The following ROBO2 variants were observed in gnomAD, a reference collection of about 807,000 sequenced individuals.
The protein encoded by ROBO2 is roundabout guidance receptor 2, also known as roundabout homolog 2.
Under a neutral mutation model 160.8 loss-of-function variants are expected in ROBO2, and 53 were observed. The observed-to-expected ratio is 0.33, with a 90% CI of 0.26 to 0.41. ROBO2 has a LOEUF of 0.41. Ranked by LOEUF, ROBO2 falls within the 10% of genes least tolerant of loss-of-function variation. The pLI, the probability that ROBO2 is intolerant of heterozygous loss-of-function variation, is 1.00. For synonymous variants in ROBO2, 664 were observed against 611.7 expected (o/e 1.09, Z -1.26); for missense variants, 1,577 against 1,722.4 (o/e 0.92, Z 1.49).
At chr3:76,883,296 A>G (rs1437385183) in intron 2 of ROBO2, among the ~76,000 whole-genome samples, 1 of 152,192 alleles carries the variant, frequency 6.6e-6, no homozygotes, top group African/African-American at 2.4e-5. Context: ...AGACTTCTAC[A>G]TCATCAGCAT....
chr3:77,537,330 C>T (rs1420599193), intron 6 of ROBO2, among the ~76,000 whole-genome samples: 1 of 152,036 alleles, frequency 6.6e-6, no homozygotes, highest in Admixed American at 6.6e-5. Context: ...ATTAATCTCA[C>T]CATCAACAAA....
chr3:76,689,776 T>C (rs1170695569), intron 2 of ROBO2, among the ~76,000 whole-genome samples: 1 of 152,156 alleles, frequency 6.6e-6, no homozygotes, highest in Non-Finnish European at 1.5e-5. Context: ...TTCTAGCAGG[T>C]ATTAAAATTC....
At chr3:76,493,037 C>T (rs2079921063) in intron 2 of ROBO2, among the ~76,000 whole-genome samples, 1 of 151,700 alleles carries the variant, frequency 6.6e-6, no homozygotes, top group African/African-American at 2.4e-5. Context: ...AAGAGACATC[C>T]GTATTTAAAA....
At chr3:76,182,781 G>A (rs1701572285) in intron 2 of ROBO2, among the ~76,000 whole-genome samples, 1 of 152,228 alleles carries the variant, frequency 6.6e-6, no homozygotes, top group African/African-American at 2.4e-5. Flanking sequence ...GGAGATTGGG[G>A]ATATCTCCCA....
intron 2 of ROBO2, among the ~76,000 whole-genome samples, chr3:76,905,247 C>G (rs1398810550): frequency 1.3e-5 from 2 of 152,084 alleles, no homozygotes; most frequent in Non-Finnish European, 2.9e-5. Context: ...GTTCCTCTAC[C>G]ACATGTCCTA....
chr3:76,647,367 C>A (rs1479048865), intron 2 of ROBO2, among the ~76,000 whole-genome samples: 1 of 152,120 alleles, frequency 6.6e-6, no homozygotes, highest in Non-Finnish European at 1.5e-5. Context: ...ACTAGTGCCC[C>A]CTATCGGCAG....
intron 23 of ROBO2, chr3:77,633,655 C>A (rs1234720365): frequency 1.3e-5 from 2 of 151,992 alleles, no homozygotes; most frequent in Non-Finnish European, 2.9e-5. Context: ...GGAATTATAC[C>A]ATCAATATTT....
intron 2 of ROBO2, among the ~76,000 whole-genome samples, chr3:76,364,346 T>C (rs945065205): frequency 6.6e-6 from 1 of 152,122 alleles, no homozygotes; most frequent in Non-Finnish European, 1.5e-5. Flanking sequence ...ATCTGAAATA[T>C]TCTTTATTCT....
chr3:76,455,815 A>C (rs1247360831), intron 2 of ROBO2, among the ~76,000 whole-genome samples: 1 of 152,190 alleles, frequency 6.6e-6, no homozygotes, highest in Non-Finnish European at 1.5e-5. Context: ...TCATCAATTC[A>C]TTAAGCAAAT....
chr3:77,340,360 C>A (rs1332905537), intron 2 of ROBO2, among the ~76,000 whole-genome samples: 1 of 152,002 alleles, frequency 6.6e-6, no homozygotes, highest in Non-Finnish European at 1.5e-5. Context: ...TCTTTCATGT[C>A]TCCTAACATG....
intron 2 of ROBO2, among the ~76,000 whole-genome samples, chr3:75,940,686 A>G (rs1473292045): frequency 6.6e-6 from 1 of 152,210 alleles, no homozygotes; most frequent in Non-Finnish European, 1.5e-5. Context: ...ATAAATATCT[A>G]GCTGTATTTT....
At chr3:75,938,179 C>T (rs1038941062) in intron 2 of ROBO2, among the ~76,000 whole-genome samples, 1 of 151,666 alleles carries the variant, frequency 6.6e-6, no homozygotes, top group African/African-American at 2.4e-5. Flanking sequence ...AAGGTTGTGG[C>T]ATCCTGAAAT....
intron 2 of ROBO2, among the ~76,000 whole-genome samples, chr3:77,476,650 A>C (rs2084043823): frequency 6.6e-6 from 1 of 152,120 alleles, no homozygotes; most frequent in Non-Finnish European, 1.5e-5. Flanking sequence ...GGAGCAGAGA[A>C]GCACAAGTAG....
chr3:77,636,365 G>A (rs1157304674), intron 24 of ROBO2, among the ~76,000 whole-genome samples: 2 of 151,940 alleles, frequency 1.3e-5, no homozygotes, highest in African/African-American at 2.4e-5. Flanking sequence ...AGGCTGAGGC[G>A]GGCAGATCAC....
rs571899360 is a variant in ROBO2, at chr3:76,817,095, T to C, written c.110-280919T>C. On this transcript the variant is annotated intron_variant, in intron 2 of 26. Coordinates refer to the ROBO2 transcript ENST00000487694. The stretch of plus-strand genomic sequence containing the variant: ...GGGGGCATTGGGGACAAGGGAGGGA[T>C]AGCACTAGGAGAAATACCTAATGTA... Among the ~76,000 whole-genome samples, 3 of 152,028 alleles carry C rather than the reference T, an allele frequency of 2.0e-5. No homozygotes were observed. The South Asian group carries it at 6.2e-4, about 32-fold the overall frequency.
intron 2 of ROBO2, among the ~76,000 whole-genome samples, chr3:77,014,588 C>A (rs985947210): frequency 6.6e-6 from 1 of 152,188 alleles, no homozygotes; most frequent in Non-Finnish European, 1.5e-5. Flanking sequence ...CAGTCTCCTG[C>A]AGCTCTATTT....
intron 1 of ROBO2, among the ~76,000 whole-genome samples, chr3:77,078,223 C>G (rs556129702): frequency 4.6e-4 from 70 of 152,292 alleles, no homozygotes; most frequent in African/African-American, 1.6e-3. Context: ...AGCTACTGAG[C>G]CGTTTATAAA....
chr3:77,488,393 C>A (rs1385368228), intron 4 of ROBO2, among the ~76,000 whole-genome samples: 1 of 152,168 alleles, frequency 6.6e-6, no homozygotes, highest in East Asian at 1.9e-4. Context: ...AGTCAGCAAA[C>A]GACCCTTGAG....
chr3:77,017,439 G>A (rs990403613), intron 2 of ROBO2, among the ~76,000 whole-genome samples: 4 of 152,146 alleles, frequency 2.6e-5, no homozygotes, highest in Non-Finnish European at 5.9e-5. Context: ...GAAATTAAAT[G>A]TATATTAAGT....
Sources: gnomAD v4.1 joint callset for allele counts (sites outside exome capture counted in the v4.1 genomes callset) on GRCh38, gnomAD v4.1.1 for gene constraint, MANE v1.5 for transcripts, NCBI Gene and HGNC (gene_info 2026-07-23, HGNC 2026-07-21) for gene names.